Variants in SYNE1 observed in about 807,000 individuals in gnomAD.
SYNE1 encodes nesprin-1.
A neutral mutation model predicts 1,111.0 loss-of-function variants in SYNE1; 616 were observed. The observed-to-expected ratio is 0.55, with a 90% CI of 0.52 to 0.59. The LOEUF (loss-of-function observed/expected upper bound fraction) is 0.59. Ranked by LOEUF, SYNE1 falls within the 20% of genes least tolerant of loss-of-function variation. The pLI is 0.00. For synonymous variants in SYNE1, 3,855 were observed against 3,825.8 expected (o/e 1.01, Z -0.28); for missense variants, 10,006 against 10,417.0 (o/e 0.96, Z 1.72).
chr6:152,172,170 T>C (rs1368887216), intron 130 of SYNE1, among the ~76,000 whole-genome samples: 1 of 151,928 alleles, frequency 6.6e-6, no homozygotes, highest in Non-Finnish European at 1.5e-5. Flanking sequence ...CTGGGAGAAG[T>C]GGGGAAGGAA....
chr6:152,401,210 C>T lies in SYNE1; in HGVS notation c.6957G>A (p.Trp2319Ter). Residue 2319 changes from tryptophan to a stop codon, truncating the protein, a stop_gained, in exon 47 of 146, where the codon TGG (tryptophan) becomes TGA (stop). Coordinates refer to ENST00000367255, the MANE Select transcript of SYNE1 (RefSeq NM_182961.4). LOFTEE classifies it high-confidence loss of function. ...VEKFINDITT[W>*]FTKVEESLMN... Reference sequence around the variant, plus strand: ...TCAACGATTCTTCCACTTTTGTGAACCATGTTGTTATGTCATTAATAAACT... The same window carrying T: ...TCAACGATTCTTCCACTTTTGTGAATCATGTTGTTATGTCATTAATAAACT... 2 of 1,614,124 alleles carry T rather than the reference C, an allele frequency of 1.2e-6. No individual in the cohort carries two copies. Among genetic ancestry groups the T allele is most frequent in the Non-Finnish European group, 8.5e-7 (1 of 1,180,004 alleles).
At chr6:152,601,881 A>T (rs1256676040) in intron 3 of SYNE1, among the ~76,000 whole-genome samples, 2 of 152,124 alleles carry the variant, frequency 1.3e-5, no homozygotes, top group Non-Finnish European at 2.9e-5. Flanking sequence ...GTAAAAAGTG[A>T]CACCTGCCTT....
At chr6:152,531,462 C>T (rs1391695167) in intron 4 of SYNE1, among the ~76,000 whole-genome samples, 1 of 152,048 alleles carries the variant, frequency 6.6e-6, no homozygotes, top group East Asian at 1.9e-4. Context: ...GAGACATGTC[C>T]CTTTTGAATG....
intron 5 of SYNE1, among the ~76,000 whole-genome samples, chr6:152,521,112 A>C (rs1477975749): frequency 6.6e-6 from 1 of 152,166 alleles, no homozygotes. Flanking sequence ...AAGAATGCTT[A>C]GTTTTTAATT....
intron 61 of SYNE1, 125 bp downstream of exon 61, chr6:152,368,847 A>G: frequency 8.6e-7 from 1 of 1,162,066 alleles, no homozygotes; most frequent in Non-Finnish European, 1.3e-6. Context: ...CACGCCCCTT[A>G]CTGCTGACCT....
intron 87 of SYNE1, among the ~76,000 whole-genome samples, chr6:152,315,001 A>G (rs1322396889): frequency 6.7e-6 from 1 of 148,156 alleles, no homozygotes; most frequent in East Asian, 2.0e-4. Flanking sequence ...CAAAAAAGAA[A>G]AAAAAAGTCA....
chr6:152,531,770 C>T (rs1370952145), intron 4 of SYNE1, among the ~76,000 whole-genome samples: 1 of 152,174 alleles, frequency 6.6e-6, no homozygotes, highest in East Asian at 1.9e-4. Flanking sequence ...TTGTGACTGG[C>T]TTATTTCACT....
At chr6:152,510,116 A>G (rs2099077510) in intron 8 of SYNE1, 77 bp downstream of exon 8, 5 of 1,409,438 alleles carry the variant, frequency 3.5e-6, no homozygotes, top group Middle Eastern at 3.8e-4. Flanking sequence ...ACATTTCGCA[A>G]TCATTAGAAG....
intron 11 of SYNE1, among the ~76,000 whole-genome samples, chr6:152,491,837 C>T (rs1183777258): frequency 6.6e-6 from 1 of 152,006 alleles, no homozygotes; most frequent in Non-Finnish European, 1.5e-5. Context: ...TCTGACCTCT[C>T]CCCTCCTCAC....
Position 152,369,083 on chromosome 6 carries a change from C to A in SYNE1, c.9696G>T (p.Arg3232Ser). The A allele has an allele frequency of 6.2e-7, 1 of 1,614,092 alleles. No homozygotes were observed. Among genetic ancestry groups the A allele is most frequent in the Non-Finnish European group, 8.5e-7 (1 of 1,180,032 alleles). ...EIHCYEPQLN[R>S]LKEKAQQLWE... is the part of the protein sequence containing the mutation. ...ACAGCTGCTGAGCTTTCTCTTTCAGCCTGTTGAGCTGAGGCTCGTAGCAGT... is the reference window on the plus strand; with the variant it reads ...ACAGCTGCTGAGCTTTCTCTTTCAGACTGTTGAGCTGAGGCTCGTAGCAGT... Residue 3232 changes from arginine to serine, a missense_variant, in exon 61 of 146, where the codon AGG becomes AGT. Arg to Ser is a moderately radical substitution (Grantham distance 110, BLOSUM62 -1). This residue lies in a region of SYNE1 where 4,955 missense variants were observed against 5,017.2 expected (regional missense o/e 0.99). Transcript: ENST00000367255.
intron 74 of SYNE1, among the ~76,000 whole-genome samples, chr6:152,341,223 A>AT (rs2096528746): frequency 1.3e-5 from 2 of 152,346 alleles, no homozygotes; most frequent in African/African-American, 4.8e-5. Context: ...CAAGTACCAC[A>AT]TCATGCACCT....
chr6:152,588,851 C>T (rs1444756114), intron 3 of SYNE1, among the ~76,000 whole-genome samples: 1 of 152,150 alleles, frequency 6.6e-6, no homozygotes, highest in Non-Finnish European at 1.5e-5. Context: ...GGGCACCCAG[C>T]ACTAAGGGCA....
At chr6:152,274,832 G>A (rs1042032143) in intron 98 of SYNE1, among the ~76,000 whole-genome samples, 2 of 152,124 alleles carry the variant, frequency 1.3e-5, no homozygotes, top group African/African-American at 4.8e-5. Flanking sequence ...CTGACCTCAG[G>A]TGATCCACCT....
chr6:152,505,348 C>G lies in SYNE1; in HGVS notation c.631G>C (p.Val211Leu). The change falls in exon 9 of 146, where the codon GTT (valine) becomes CTT (leucine). Residue 211 changes from valine (V) to leucine (L), a missense_variant. Physicochemically the swap from Val to Leu is conservative, Grantham distance 32 (BLOSUM62 1). Transcript: ENST00000367255. ...KDFGKSWRSGVAFHSVIHAIR... is the reference protein window; with the variant it reads ...KDFGKSWRSGLAFHSVIHAIR... The stretch of plus-strand genomic sequence containing the variant: ...GCATGAATAACTGAATGAAAGGCAA[C>G]CCCGCTTCTCCAACTCTTCCCAAAA... 1 of 1,614,122 alleles carries G rather than the reference C, an allele frequency of 6.2e-7. No homozygotes were observed. The highest frequency in any genetic ancestry group is 2.2e-5 in the East Asian group (1 of 44,882).
intron 74 of SYNE1, among the ~76,000 whole-genome samples, chr6:152,341,748 A>T (rs1327753722): frequency 6.6e-6 from 1 of 152,218 alleles, no homozygotes; most frequent in African/African-American, 2.4e-5. Flanking sequence ...TAATGTCGTC[A>T]GCAGATTCTT....
intron 28 of SYNE1, among the ~76,000 whole-genome samples, chr6:152,448,931 T>C (rs181246729): frequency 2.1e-4 from 32 of 152,296 alleles, no homozygotes; most frequent in Admixed American, 5.9e-4. Context: ...GTGGCAACTT[T>C]GTGATGTGCA....
At position 152,445,137 on chromosome 6, in the gene SYNE1, T is replaced by TTA. The variant is rs772834206; in HGVS notation, c.3670-561_3670-560dup. Among the ~76,000 whole-genome samples, 263 of 150,616 alleles carry TTA rather than the reference T, an allele frequency of 1.7e-3. 4 individuals carry two copies. Among genetic ancestry groups the TTA allele is most frequent in the African/African-American group, 5.2e-3 (215 of 41,224 alleles). On this transcript the variant is annotated intron_variant, in intron 29 of 145. Transcript: ENST00000367255. ...AGGAAGGATAACAAAACTGCATATA[T>TTA]TATATATATATATATTGCCTTTTAG...
intron 124 of SYNE1, among the ~76,000 whole-genome samples, chr6:152,209,568 G>A (rs1443594836): frequency 6.6e-6 from 1 of 152,004 alleles, no homozygotes; most frequent in Non-Finnish European, 1.5e-5. Context: ...TGGCCAACAT[G>A]GCGAAATCCC....
chr6:152,363,989 A>G (rs1330543093), intron 63 of SYNE1, among the ~76,000 whole-genome samples: 1 of 152,190 alleles, frequency 6.6e-6, no homozygotes, highest in Non-Finnish European at 1.5e-5. Flanking sequence ...CCCAAATATC[A>G]TCTTGAATTG....
Sources: gnomAD v4.1 joint callset for allele counts (sites outside exome capture counted in the v4.1 genomes callset) on GRCh38, gnomAD v4.1.1 for gene constraint, gnomAD v4.1.1 regional missense constraint, MANE v1.5 for transcripts, NCBI Gene and HGNC (gene_info 2026-07-23, HGNC 2026-07-21) for gene names.